Variants in PTPRN2 observed in about 807,000 individuals in gnomAD.
The protein encoded by PTPRN2 is receptor-type tyrosine-protein phosphatase N2.
In PTPRN2, 74 loss-of-function variants were observed where a neutral mutation model predicts 118.8. The observed-to-expected ratio is 0.62, with a 90% CI of 0.52 to 0.76. PTPRN2 has a LOEUF of 0.76. PTPRN2 is among the 30% of genes least tolerant of loss of function. The pLI is 0.00. For missense variants in PTPRN2, 1,481 were observed against 1,394.4 expected (o/e 1.06, Z -0.99); for synonymous variants, 641 against 608.0 (o/e 1.05, Z -0.80).
chr7:158,089,882 C>G (rs72505550), intron 10 of PTPRN2, among the ~76,000 whole-genome samples: 3 of 23,486 alleles, frequency 1.3e-4, no homozygotes, highest in African/African-American at 1.5e-4. Context: ...CCTCCCCTGA[C>G]GAAAGAGGGA....
chr7:157,598,646 G>A lies in PTPRN2; in HGVS notation c.2419-3331C>T, dbSNP rs1285469771. On this transcript the variant is annotated intron_variant, in intron 16 of 22. Coordinates refer to ENST00000389418, the MANE Select transcript of PTPRN2 (RefSeq NM_002847.5). This position sits in a 1 kb window ranked among gnomAD's most constrained non-coding sequence, Gnocchi z 5.2. ...CGTCTGTGTGTATGTGTGTGTCCTGGTGTTGGTCATCCCGAAACTGTCCGT... is the reference window on the plus strand; with the variant it reads ...CGTCTGTGTGTATGTGTGTGTCCTGATGTTGGTCATCCCGAAACTGTCCGT... Among the ~76,000 whole-genome samples, 1 of 152,226 alleles carries A rather than the reference G, an allele frequency of 6.6e-6. No individual in the cohort carries two copies. The highest frequency in any genetic ancestry group is 1.5e-5 in the Non-Finnish European group (1 of 68,044).
intron 2 of PTPRN2, among the ~76,000 whole-genome samples, chr7:158,457,619 G>T (rs1285632532): frequency 2.1e-5 from 2 of 94,738 alleles, no homozygotes; most frequent in African/African-American, 8.2e-5. Flanking sequence ...CAGCGGATGC[G>T]CGGCCCCAGT....
At chr7:158,436,665 T>G (rs1179479486) in intron 2 of PTPRN2, among the ~76,000 whole-genome samples, 1 of 152,256 alleles carries the variant, frequency 6.6e-6, no homozygotes, top group East Asian at 1.9e-4. Flanking sequence ...TCTTTATACC[T>G]GAGAAACATT....
intron 2 of PTPRN2, among the ~76,000 whole-genome samples, chr7:158,481,062 T>C (rs1820609037): frequency 1.3e-5 from 2 of 152,238 alleles, no homozygotes; most frequent in South Asian, 2.1e-4. Context: ...AGGACTTCCA[T>C]AGCTAGAGAG....
intron 1 of PTPRN2, among the ~76,000 whole-genome samples, chr7:158,553,336 A>G (rs1826784282): frequency 6.6e-6 from 1 of 151,104 alleles, no homozygotes; most frequent in African/African-American, 2.4e-5. Flanking sequence ...CTACACCTGT[A>G]GGCTTGGGAG....
chr7:158,268,988 A>G (rs1022358688), intron 3 of PTPRN2, among the ~76,000 whole-genome samples: 6 of 152,350 alleles, frequency 3.9e-5, no homozygotes, highest in South Asian at 2.1e-4. Context: ...GCCGGGCCTG[A>G]AAATCGCAGC....
chr7:158,500,179 A>T lies in PTPRN2; in HGVS notation c.113-10394T>A, dbSNP rs1822256414. Among the ~76,000 whole-genome samples the T allele has an allele frequency of 1.3e-5, 2 of 152,184 alleles. 1 individual carries two copies. Among genetic ancestry groups the T allele is most frequent in the South Asian group, 4.1e-4 (2 of 4,828 alleles). ...AGAGGAATCTGCACTTACAATAATG[A>T]AAAGACAAATTAGATCCAATTGTTA... On this transcript the variant is annotated intron_variant, in intron 1 of 22. Coordinates refer to ENST00000389418, the MANE Select transcript of PTPRN2 (RefSeq NM_002847.5).
chr7:157,566,462 C>A (rs1799489525), intron 21 of PTPRN2, among the ~76,000 whole-genome samples: 1 of 152,210 alleles, frequency 6.6e-6, no homozygotes, highest in Non-Finnish European at 1.5e-5. Context: ...AGGCCCACCT[C>A]AGCCGGCAGA....
At chr7:157,706,746 C>G (rs1347998395) in intron 12 of PTPRN2, among the ~76,000 whole-genome samples, 1 of 151,138 alleles carries the variant, frequency 6.6e-6, no homozygotes, top group Non-Finnish European at 1.5e-5. Context: ...GACCCAGGTG[C>G]CTTCTGGATA....
At chr7:158,368,764 A>G (rs1384870185) in intron 2 of PTPRN2, among the ~76,000 whole-genome samples, 2 of 152,158 alleles carry the variant, frequency 1.3e-5, no homozygotes, top group African/African-American at 4.8e-5. Context: ...CGACCCCCCA[A>G]GTCTTCCTCC....
chr7:157,708,192 C>G (rs189800315), intron 12 of PTPRN2, among the ~76,000 whole-genome samples: 1 of 152,192 alleles, frequency 6.6e-6, no homozygotes, highest in African/African-American at 2.4e-5. Context: ...GATTCTGCCC[C>G]GTGCCGTGTG....
intron 8 of PTPRN2, among the ~76,000 whole-genome samples, 166 bp from the exon 9 acceptor site, chr7:158,134,225 G>A (rs977583026): frequency 3.3e-5 from 5 of 152,166 alleles, no homozygotes; most frequent in African/African-American, 1.2e-4. Flanking sequence ...TTAGAATGAT[G>A]TCTAGCCGAG....
At chr7:158,578,537 T>TAAAAAAA (rs59811856) in intron 1 of PTPRN2, among the ~76,000 whole-genome samples, 1 of 125,902 alleles carries the variant, frequency 7.9e-6, no homozygotes, top group Non-Finnish European at 1.6e-5. Context: ...CCTGTCTCTG[T>TAAAAAAA]AAAAAAAAAA....
chr7:157,553,994 T>G (rs170236), intron 21 of PTPRN2, among the ~76,000 whole-genome samples: 36,470 of 59,086 alleles, frequency 0.62, 10,906 homozygotes, highest in Non-Finnish European at 0.67. Context: ...CTGCCCGCTC[T>G]CGTGCCCTCC....
chr7:158,324,433 CAT>C (rs1219887468), intron 2 of PTPRN2, among the ~76,000 whole-genome samples: 1 of 152,166 alleles, frequency 6.6e-6, no homozygotes, highest in African/African-American at 2.4e-5. Context: ...TGAAATCTCA[CAT>C]AGATTTACAA....
rs143446699 is a variant in PTPRN2, at chr7:158,192,372, G to A, written c.504C>T (p.Asp168=). Residue 168 remains aspartate, a synonymous_variant, in exon 5 of 23, where the codon GAC becomes GAT. Coordinates refer to ENST00000389418, the MANE Select transcript of PTPRN2 (RefSeq NM_002847.5). ...LEALSQAPAS[D]VLARTHTAQD... is the part of the protein sequence containing the mutation. Reference sequence around the variant, plus strand: ...GCGCCGTATGGGTCCTGGCGAGCACGTCTGAGGCTGGGGCCTGGGACAGGG... The same window carrying A: ...GCGCCGTATGGGTCCTGGCGAGCACATCTGAGGCTGGGGCCTGGGACAGGG... The A allele has an allele frequency of 5.1e-4, 780 of 1,526,754 alleles. No homozygotes were observed. The highest frequency in any genetic ancestry group is 7.1e-4 in the South Asian group (54 of 75,992). The allele number at this position is 1,526,754 out of a possible 1,614,324, so 94.6% of individuals were successfully genotyped here.
chr7:158,428,503 G>A (rs552021433), intron 2 of PTPRN2, among the ~76,000 whole-genome samples: 1 of 152,212 alleles, frequency 6.6e-6, no homozygotes, highest in South Asian at 2.1e-4. Context: ...TTCTCTCCAT[G>A]GTTGAGATCG....
At chr7:158,515,043 G>T (rs547744454) in intron 1 of PTPRN2, among the ~76,000 whole-genome samples, 1 of 152,178 alleles carries the variant, frequency 6.6e-6, no homozygotes, top group Admixed American at 6.5e-5. Context: ...GAACATTTAC[G>T]ATGACAAAGA....
At chr7:157,716,000 T>C (rs1798884545) in intron 12 of PTPRN2, among the ~76,000 whole-genome samples, 1 of 152,206 alleles carries the variant, frequency 6.6e-6, no homozygotes, top group African/African-American at 2.4e-5. Flanking sequence ...TAACCCCATG[T>C]GAGACAGCCA....
Sources: gnomAD v4.1 joint callset for allele counts (sites outside exome capture counted in the v4.1 genomes callset) on GRCh38, gnomAD v4.1.1 for gene constraint, Gnocchi (gnomAD v3.1) non-coding constraint, MANE v1.5 for transcripts, NCBI Gene and HGNC (gene_info 2026-07-23, HGNC 2026-07-21) for gene names.